TNKS: variants seen among roughly 807,000 people sequenced by gnomAD.
TNKS encodes tankyrase.
A neutral mutation model predicts 135.8 loss-of-function variants in TNKS; 72 were observed. The observed-to-expected ratio is 0.53, with a 90% CI of 0.44 to 0.64. The LOEUF (loss-of-function observed/expected upper bound fraction) is 0.64, where lower values mean the gene tolerates loss of function less well. TNKS is among the 30% of genes least tolerant of loss of function. The probability of loss-of-function intolerance (pLI) is 0.00; values close to 1 mark genes in which losing one functional copy is unlikely to be tolerated. For missense variants in TNKS, 1,769 were observed against 1,674.0 expected (o/e 1.06, Z -0.99); for synonymous variants, 849 against 649.3 (o/e 1.31, Z -4.68).
At chr8:9,773,192 A>C (rs1313410735) in intron 26 of TNKS, among the ~76,000 whole-genome samples, 2 of 152,122 alleles carry the variant, frequency 1.3e-5, no homozygotes, top group East Asian at 1.9e-4. Flanking sequence ...GATAGTCACA[A>C]ACACACACTA....
At chr8:9,755,944 G>A (rs1806811752) in intron 20 of TNKS, among the ~76,000 whole-genome samples, 1 of 152,142 alleles carries the variant, frequency 6.6e-6, no homozygotes, top group African/African-American at 2.4e-5. Context: ...CAAGTTCTAT[G>A]TTGAATAATA....
intron 11 of TNKS, among the ~76,000 whole-genome samples, chr8:9,717,048 A>T (rs1310939003): frequency 1.9e-5 from 2 of 106,918 alleles, no homozygotes; most frequent in Non-Finnish European, 4.0e-5. Context: ...CCTTGAAACC[A>T]CCAAAGATAA....
intron 17 of TNKS, among the ~76,000 whole-genome samples, chr8:9,736,527 G>A (rs1187125799): frequency 6.7e-6 from 1 of 149,832 alleles, no homozygotes; most frequent in Admixed American, 6.7e-5. Flanking sequence ...GGGTTTTTAT[G>A]GTTTTAGGTT....
In TNKS at chr8:9,642,207, C is replaced by CTGA. The variant is rs1197863785; in HGVS notation, c.994+26532_994+26534dup. 1.8e-4 allele frequency among the ~76,000 whole-genome samples: 27 copies of CTGA among 146,400 alleles called. 5 individuals are homozygous for CTGA. In the South Asian group the frequency reaches 5.5e-3, roughly 30 times the overall value. Reference sequence around the variant, plus strand: ...TTTGCAGACGCCATTATACAAATGGCTGATTCTATCAATTAAACCACATTT... The same window carrying CTGA: ...TTTGCAGACGCCATTATACAAATGGCTGATGATTCTATCAATTAAACCACATTT... On this transcript the variant is annotated intron_variant, in intron 3 of 26. Transcript: ENST00000310430.
Position 9,776,808 on chromosome 8 carries a change from C to T in TNKS, c.*72C>T. 1 of 1,422,834 alleles carries T rather than the reference C, an allele frequency of 7.0e-7. No homozygotes were observed. Among genetic ancestry groups the T allele is most frequent in the Non-Finnish European group, 9.9e-7 (1 of 1,011,464 alleles). 88.1% of individuals were successfully genotyped at this position (1,422,834 alleles called of 1,614,324 possible). On this transcript the variant is annotated 3_prime_UTR_variant, in exon 27 of 27. Transcript: ENST00000310430. ...GATTACAGAGGATTGTTTCTAATAA[C>T]AACATCAATATTCTAGAAGTCCCTG...
At position 9,556,332 on chromosome 8, in the gene TNKS, C is replaced by T. The variant is rs200824093; in HGVS notation, c.393C>T (p.Ser131=). The T allele has an allele frequency of 5.3e-5, 85 of 1,614,270 alleles. No individual in the cohort carries two copies. Among genetic ancestry groups the T allele is most frequent in the Non-Finnish European group, 6.6e-5 (78 of 1,180,054 alleles). The part of the protein sequence containing the change: ...AGSGSNNSPS[S]SSSPTSSSSS... Reference sequence around the variant, plus strand: ...GTGGCAGTAACAATTCACCGTCGTCCTCTTCTTCCCCGACTTCTTCCTCAT... The same window carrying T: ...GTGGCAGTAACAATTCACCGTCGTCTTCTTCTTCCCCGACTTCTTCCTCAT... Residue 131 remains serine (S), a synonymous_variant, in exon 1 of 27, where the codon TCC becomes TCT. Transcript: ENST00000310430.
At chr8:9,706,706 T>C (rs1804064618) in intron 7 of TNKS, 105 bp from the exon 8 acceptor site, 7 of 1,090,224 alleles carry the variant, frequency 6.4e-6, no homozygotes, top group East Asian at 2.8e-5. Flanking sequence ...AAACACTTAT[T>C]TGAACAAGTT....
intron 2 of TNKS, among the ~76,000 whole-genome samples, chr8:9,598,702 A>AAT (rs1471792282): frequency 8.8e-6 from 1 of 113,420 alleles, no homozygotes; most frequent in Non-Finnish European, 1.8e-5. Flanking sequence ...CCTTGTCTAA[A>AAT]ATATGTGTGT....
chr8:9,727,445 T>A (rs1805218477), intron 13 of TNKS, among the ~76,000 whole-genome samples: 1 of 152,170 alleles, frequency 6.6e-6, no homozygotes, highest in South Asian at 2.1e-4. Flanking sequence ...TTTTTGTTGT[T>A]TTTTACGAGA....
chr8:9,679,704 A>C (rs1169789064), intron 3 of TNKS: 2 of 452,810 alleles, frequency 4.4e-6, no homozygotes, highest in African/African-American at 3.9e-5. Context: ...TTTAGCATTC[A>C]TTGGTTGTCT....
At chr8:9,720,293 TC>T (rs1563189689) in intron 11 of TNKS, 80 bp from the exon 12 acceptor site, 1 of 1,294,906 alleles carries the variant, frequency 7.7e-7, no homozygotes, top group African/African-American at 1.5e-5. Context: ...GATTTTTTTT[TC>T]ATAAGAATGT....
intron 3 of TNKS, among the ~76,000 whole-genome samples, chr8:9,660,431 A>G (rs971869085): frequency 5.3e-5 from 8 of 152,236 alleles, no homozygotes; most frequent in Admixed American, 2.0e-4. Flanking sequence ...GGCTCGTTCA[A>G]CATACGAAAA....
At chr8:9,579,186 C>T (rs145894074) in intron 1 of TNKS, among the ~76,000 whole-genome samples, 1 of 152,248 alleles carries the variant, frequency 6.6e-6, no homozygotes, top group East Asian at 1.9e-4. Context: ...TTTATATTCC[C>T]AAGTGCTTGT....
chr8:9,709,835 C>T, intron 9 of TNKS, 120 bp from the exon 10 acceptor site: 1 of 713,152 alleles, frequency 1.4e-6, no homozygotes, highest in Non-Finnish European at 2.4e-6. Context: ...AAAACATATA[C>T]ATATGTTCTG....
rs1030634811 is a variant in TNKS at position 9,580,929 on chromosome 8, T to G, written c.898+546T>G. Among the ~76,000 whole-genome samples the G allele has an allele frequency of 5.3e-5, 8 of 152,222 alleles. 1 individual carries two copies. Among genetic ancestry groups the G allele is most frequent in the African/African-American group, 1.7e-4 (7 of 41,460 alleles). ...TTTAGGTATCTAGATGAAACGAAGC[T>G]GTATTCAATCAGCATTTTGTTCTCT... On this transcript the variant is annotated intron_variant, in intron 2 of 26. Coordinates refer to ENST00000310430, the MANE Select transcript of TNKS (RefSeq NM_003747.3).
chr8:9,631,359 G>A lies in TNKS; in HGVS notation c.994+15682G>A, dbSNP rs139056155. Among the ~76,000 whole-genome samples, 449 of 152,246 alleles carry A rather than the reference G, an allele frequency of 2.9e-3. 10 individuals carry two copies. The highest frequency in any genetic ancestry group is 0.026 in the Admixed American group (401 of 15,290). ...ACTATCTAAGTCTTAGAATAATCCT[G>A]CTCCATTGAGTTATGATTTTTGTGA... is the stretch of plus-strand genomic sequence containing the variant. On this transcript the variant is annotated intron_variant, in intron 3 of 26. Coordinates refer to ENST00000310430, the MANE Select transcript of TNKS (RefSeq NM_003747.3).
chr8:9,646,546 TC>T (rs1290556197), intron 3 of TNKS, among the ~76,000 whole-genome samples: 1 of 152,156 alleles, frequency 6.6e-6, no homozygotes, highest in East Asian at 1.9e-4. Context: ...ATTGGTGACT[TC>T]CCTAATCTCA....
intron 3 of TNKS, among the ~76,000 whole-genome samples, chr8:9,647,186 A>G (rs1800950304): frequency 1.3e-5 from 2 of 152,206 alleles, no homozygotes; most frequent in African/African-American, 4.8e-5. Context: ...ACATGCAAGC[A>G]CACTTCTACC....
chr8:9,605,865 G>T (rs1021826943), intron 2 of TNKS, among the ~76,000 whole-genome samples: 1 of 151,952 alleles, frequency 6.6e-6, no homozygotes, highest in African/African-American at 2.4e-5. Flanking sequence ...CATATGTGTT[G>T]CAAATATTTT....
Sources: gnomAD v4.1 joint callset for allele counts (sites outside exome capture counted in the v4.1 genomes callset) on GRCh38, gnomAD v4.1.1 for gene constraint, MANE v1.5 for transcripts, NCBI Gene and HGNC (gene_info 2026-07-23, HGNC 2026-07-21) for gene names.